Variants in RTKN2 observed in about 807,000 individuals in gnomAD.
RTKN2 encodes the protein rhotekin 2, also known as rhotekin-2.
RTKN2 carries 69 observed loss-of-function variants against 71.5 expected under a neutral mutation model. The observed-to-expected ratio is 0.96, with a 90% confidence interval of 0.79 to 1.18. The LOEUF (loss-of-function observed/expected upper bound fraction) is 1.18, where lower values mean the gene tolerates loss of function less well. RTKN2 is among the 50% of genes most tolerant of loss of function. The probability of loss-of-function intolerance (pLI) is 0.00; values close to 1 mark genes in which losing one functional copy is unlikely to be tolerated. For synonymous variants in RTKN2, 236 were observed against 236.5 expected (o/e 1.00, Z 0.02); for missense variants, 724 against 719.7 (o/e 1.01, Z -0.07).
chr10:62,235,520 T>C (rs751458857), intron 6 of RTKN2, among the ~76,000 whole-genome samples: 5 of 152,120 alleles, frequency 3.3e-5, no homozygotes, highest in Non-Finnish European at 7.4e-5. Flanking sequence ...TCTGAAACTT[T>C]TTGAATGCCT....
At chr10:62,229,967 AT>A (rs1367275858) in intron 6 of RTKN2, among the ~76,000 whole-genome samples, 10 of 152,188 alleles carry the variant, frequency 6.6e-5, no homozygotes, top group Admixed American at 3.3e-4. Flanking sequence ...CATCAAAATA[AT>A]TATGTAAAGA....
At chr10:62,206,660 G>A (rs996459692) in intron 9 of RTKN2, among the ~76,000 whole-genome samples, 2 of 151,978 alleles carry the variant, frequency 1.3e-5, no homozygotes. Flanking sequence ...TGTCTTTAGA[G>A]GACTGTAATC....
At chr10:62,187,822 C>T (rs1402711893) in intron 8 of RTKN2, among the ~76,000 whole-genome samples, 1 of 152,182 alleles carries the variant, frequency 6.6e-6, no homozygotes, top group Non-Finnish European at 1.5e-5. Flanking sequence ...CTATCTGTAG[C>T]TATCCCTGCC....
intron 2 of RTKN2, among the ~76,000 whole-genome samples, chr10:62,247,493 T>G (rs1842501122): frequency 6.6e-6 from 1 of 151,994 alleles, no homozygotes; most frequent in African/African-American, 2.4e-5. Context: ...TGGCCATATC[T>G]GGTATTAAAA....
At chr10:62,262,113 T>G (rs184624678) in intron 2 of RTKN2, among the ~76,000 whole-genome samples, 3 of 152,348 alleles carry the variant, frequency 2.0e-5, no homozygotes, top group Admixed American at 6.5e-5. Context: ...CTTCCATCAC[T>G]TGTTGCATGA....
At position 62,199,853 on chromosome 10, in the gene RTKN2, T is replaced by C; in HGVS notation, c.1195A>G (p.Lys399Glu). 1.2e-6 allele frequency: 2 copies of C among 1,606,392 alleles called. No homozygotes were observed. The highest frequency in any genetic ancestry group is 2.2e-5 in the East Asian group (1 of 44,774). ...WQHFFDLSQWKHCCEELMKIE... is the reference protein window; with the variant it reads ...WQHFFDLSQWEHCCEELMKIE... ...TTCATAAGTTCTTCACAACAGTGCT[T>C]CCATTGGCCTAAGACAGACAGAAAA... is the stretch of plus-strand genomic sequence containing the variant. Residue 399 changes from lysine to glutamate, a missense_variant, in exon 11 of 12, where the codon AAG becomes GAG. By Grantham distance (56) the Lys-to-Glu change is moderately conservative. Transcript: ENST00000373789.
At chr10:62,218,138 T>G in intron 8 of RTKN2, 57 bp downstream of exon 8, 1 of 1,063,328 alleles carries the variant, frequency 9.4e-7, no homozygotes, top group Non-Finnish European at 1.4e-6. Context: ...CAACTGCCTG[T>G]ATATTAAGAT....
intron 7 of RTKN2, among the ~76,000 whole-genome samples, chr10:62,221,306 A>G (rs1841900613): frequency 6.6e-6 from 1 of 152,042 alleles, no homozygotes; most frequent in Admixed American, 6.6e-5. Context: ...AAAAAATGAG[A>G]AAAAGGATGT....
intron 10 of RTKN2, among the ~76,000 whole-genome samples, chr10:62,201,408 G>T (rs1841439203): frequency 6.6e-6 from 1 of 151,934 alleles, no homozygotes; most frequent in Admixed American, 6.6e-5. Context: ...TTCAAAATAA[G>T]CCACACAGCA....
In RTKN2 at chr10:62,215,985, AAC is replaced by A. The variant is rs143150140; in HGVS notation, c.1020+1131_1020+1132del. On this transcript the variant is annotated intron_variant, in intron 9 of 11. Transcript: ENST00000373789. ...TTATGTCCTTGATTTGTCAAAACAA[AAC>A]AGTTTAAACAAAACAGTTAAATTAG... Among the ~76,000 whole-genome samples the A allele has an allele frequency of 1.4e-3, 215 of 152,176 alleles. 1 individual carries two copies. Among genetic ancestry groups the A allele is most frequent in the African/African-American group, 5.0e-3 (206 of 41,578 alleles).
At position 62,223,331 on chromosome 10, in the gene RTKN2, C is replaced by T; in HGVS notation, c.688G>A (p.Gly230Ser). 1 of 1,566,966 alleles carries T rather than the reference C, an allele frequency of 6.4e-7. No individual in the cohort carries two copies. Among genetic ancestry groups the T allele is most frequent in the Non-Finnish European group, 8.8e-7 (1 of 1,138,260 alleles). The change falls in exon 7 of 12, where the codon GGT (glycine) becomes AGT (serine). Residue 230 changes from glycine to serine, a missense_variant and splice_region_variant. Gly to Ser is a moderately conservative substitution (Grantham distance 56, BLOSUM62 0). Coordinates refer to ENST00000373789, the MANE Select transcript of RTKN2 (RefSeq NM_145307.4). ...MCLLLSSAVF[G>S]VKYNLLAHTT... is the part of the protein sequence containing the mutation. ...TGAGCTAGCAAATTATACTTTACACCACTAATAGTAAGAAAGAAGACATGT... is the reference window on the plus strand; with the variant it reads ...TGAGCTAGCAAATTATACTTTACACTACTAATAGTAAGAAAGAAGACATGT...
intron 2 of RTKN2, among the ~76,000 whole-genome samples, chr10:62,254,377 T>C (rs757703938): frequency 3.3e-5 from 5 of 152,208 alleles, no homozygotes; most frequent in Non-Finnish European, 7.3e-5. Flanking sequence ...CTTCACCCTT[T>C]TGCCATGACT....
In RTKN2 at chr10:62,194,013, C is replaced by A. The variant is rs1841274187; in HGVS notation, c.*3895G>T. The A allele has an allele frequency of 1.0e-6, 1 of 984,738 alleles. No homozygotes were observed. Among genetic ancestry groups the A allele is most frequent in the Admixed American group, 6.2e-5 (1 of 16,242 alleles). The allele number at this position is 984,738 out of a possible 1,614,324, so 61.0% of individuals were successfully genotyped here. A position where few individuals can be genotyped will look rare whatever the true frequency, so the allele number is the denominator to read the frequency against. On this transcript the variant is annotated 3_prime_UTR_variant, in exon 12 of 12. Transcript: ENST00000373789. ...TAGAAAACGTCTTCATGAATCAGTT[C>A]TTTTAATGTACAGAAGTTTCAATTA...
At chr10:62,226,861 T>C (rs958833801) in intron 6 of RTKN2, among the ~76,000 whole-genome samples, 2 of 152,052 alleles carry the variant, frequency 1.3e-5, no homozygotes, top group African/African-American at 4.8e-5. Flanking sequence ...TTTGGGAGGG[T>C]GAGGCAGGAG....
Position 62,268,679 on chromosome 10 carries a change from A to C in RTKN2, c.-69T>G, listed in dbSNP as rs1842913890. 1.3e-6 allele frequency: 2 copies of C among 1,489,940 alleles called. No individual in the cohort carries two copies. Among genetic ancestry groups the C allele is most frequent in the Non-Finnish European group, 1.8e-6 (2 of 1,099,370 alleles). 92.3% of individuals were successfully genotyped at this position (1,489,940 alleles called of 1,614,324 possible). A position where few individuals can be genotyped will look rare whatever the true frequency, so the allele number is the denominator to read the frequency against. Reference sequence around the variant, plus strand: ...AAGATTTGAAAAGCCCGCCCCTGGCAGGAGCCGCAGAGGACGCCAACCGCC... The same window carrying C: ...AAGATTTGAAAAGCCCGCCCCTGGCCGGAGCCGCAGAGGACGCCAACCGCC... On this transcript the variant is annotated 5_prime_UTR_variant, in exon 1 of 12. Transcript: ENST00000373789.
At position 62,245,893 on chromosome 10, in the gene RTKN2, T is replaced by C. The variant is rs1842470458; in HGVS notation, c.316+106A>G. 12 of 697,862 alleles carry C rather than the reference T, an allele frequency of 1.7e-5. No individual in the cohort carries two copies. In the South Asian group the frequency reaches 2.1e-4, roughly 12 times the overall value. 43.2% of individuals were successfully genotyped at this position (697,862 alleles called of 1,614,324 possible). On this transcript the variant is annotated intron_variant, in intron 3 of 11. Coordinates refer to ENST00000373789, the MANE Select transcript of RTKN2 (RefSeq NM_145307.4). The stretch of plus-strand genomic sequence containing the variant: ...TAGAACAAATATTCTGATAGAGGTA[T>C]GAAAAACAAAATGAAGAGAATGGAG...
At chr10:62,218,104 A>G (rs1841816802) in intron 8 of RTKN2, 91 bp downstream of exon 8, 1 of 780,090 alleles carries the variant, frequency 1.3e-6, no homozygotes, top group Admixed American at 2.5e-5. Context: ...CTTAAAAAAT[A>G]CTTCTCAATA....
rs1028106060 is a variant in RTKN2, at chr10:62,194,828, A to C, written c.*3080T>G. ...TAATAAATAGTAGCAGGTAAAATGC[A>C]TTTAGTAAGATCCCAAAGGGTAAAG... On this transcript the variant is annotated 3_prime_UTR_variant, in exon 12 of 12. Transcript: ENST00000373789. 11 of 985,234 alleles carry C rather than the reference A, an allele frequency of 1.1e-5. No homozygotes were observed. In the East Asian group the frequency reaches 1.2e-3, roughly 112 times the overall value. 61.0% of individuals were successfully genotyped at this position (985,234 alleles called of 1,614,324 possible).
intron 6 of RTKN2, 39 bp downstream of exon 6, chr10:62,236,023 AATGT>A (rs1395665191): frequency 7.6e-7 from 1 of 1,319,710 alleles, no homozygotes; most frequent in East Asian, 2.3e-5. Context: ...AAATATCACA[AATGT>A]ATAATTATGT....
Sources: gnomAD v4.1 joint callset for allele counts (sites outside exome capture counted in the v4.1 genomes callset) on GRCh38, gnomAD v4.1.1 for gene constraint, MANE v1.5 for transcripts, NCBI Gene and HGNC (gene_info 2026-07-23, HGNC 2026-07-21) for gene names.